The following COMMD1 variants were observed in gnomAD, a reference collection of about 807,000 sequenced individuals.
The protein encoded by COMMD1 is copper metabolism domain containing 1.
Under a neutral mutation model 17.2 loss-of-function variants are expected in COMMD1, and 10 were observed. That is an observed-to-expected ratio of 0.58 (90% CI 0.36 to 0.99). COMMD1 has a LOEUF of 0.99. Ranked by LOEUF, COMMD1 falls within the 50% of genes least tolerant of loss-of-function variation. COMMD1 has a pLI of 0.01. For missense variants in COMMD1, 270 were observed against 231.8 expected (o/e 1.17, Z -1.07); for synonymous variants, 97 against 91.6 (o/e 1.06, Z -0.34).
chr2:61,905,246 A>T (rs550649201), upstream of COMMD1, among the ~76,000 whole-genome samples: 2 of 152,172 alleles, frequency 1.3e-5, no homozygotes, highest in East Asian at 3.8e-4. Context: ...AAACTTCCTG[A>T]AAAAAAGGAT....
chr2:62,036,786 A>T lies in COMMD1; in HGVS notation c.462+35804A>T, dbSNP rs901737786. ...TATTCTGAATTTAAGATTTATTTTC[A>T]AAGATAAACTAAAATTTACTTTCTG... On this transcript the variant is annotated intron_variant, in intron 2 of 2. Coordinates refer to ENST00000311832, the MANE Select transcript of COMMD1 (RefSeq NM_152516.4). Among the ~76,000 whole-genome samples, 4 of 152,240 alleles carry T rather than the reference A, an allele frequency of 2.6e-5. No homozygotes were observed. The South Asian group carries it at 8.3e-4, about 32-fold the overall frequency.
chr2:61,901,008 G>A (rs577730709), upstream of COMMD1, among the ~76,000 whole-genome samples: 2 of 152,124 alleles, frequency 1.3e-5, no homozygotes, highest in South Asian at 2.1e-4. Context: ...GTGCAGTGGC[G>A]TGATCTCGGC....
chr2:61,980,097 C>T (rs1294183062), intron 1 of COMMD1, among the ~76,000 whole-genome samples: 1 of 10,306 alleles, frequency 9.7e-5, no homozygotes, highest in African/African-American at 4.6e-4. Context: ...TTTATGGCTG[C>T]ATAGTATTCC....
chr2:62,059,454 C>A (rs538688952), intron 2 of COMMD1, among the ~76,000 whole-genome samples: 1 of 152,250 alleles, frequency 6.6e-6, no homozygotes, highest in African/African-American at 2.4e-5. Context: ...CTATGCCTGT[C>A]CTGTTGTATC....
chr2:62,000,138 G>C (rs546205231), intron 1 of COMMD1, among the ~76,000 whole-genome samples: 1 of 152,064 alleles, frequency 6.6e-6, no homozygotes, highest in African/African-American at 2.4e-5. Flanking sequence ...TGGCCAGGTT[G>C]GTCTCAAATT....
At chr2:62,109,247 G>A (rs1156485265) in intron 2 of COMMD1, among the ~76,000 whole-genome samples, 1 of 152,198 alleles carries the variant, frequency 6.6e-6, no homozygotes, top group Non-Finnish European at 1.5e-5. Context: ...GGCTTGGTGA[G>A]GTTGAGGGCA....
At chr2:62,118,524 T>G (rs573284438) in intron 2 of COMMD1, among the ~76,000 whole-genome samples, 36 of 152,318 alleles carry the variant, frequency 2.4e-4, no homozygotes, top group African/African-American at 8.4e-4. Context: ...TTTCTCCTAA[T>G]CCCTCATCCC....
intron 2 of COMMD1, among the ~76,000 whole-genome samples, chr2:62,012,189 G>A (rs539765761): frequency 1.3e-4 from 20 of 151,660 alleles, no homozygotes; most frequent in East Asian, 1.9e-4. Flanking sequence ...CCCAGGAGGC[G>A]GAGGTTGCAG....
intron 2 of COMMD1, among the ~76,000 whole-genome samples, chr2:62,028,289 GT>G (rs1669822024): frequency 6.6e-6 from 1 of 152,126 alleles, no homozygotes; most frequent in South Asian, 2.1e-4. Flanking sequence ...AGGAAAGTGT[GT>G]TGTTTTCTGA....
chr2:62,126,140 A>G (rs1426290077), intron 2 of COMMD1, among the ~76,000 whole-genome samples: 3 of 152,198 alleles, frequency 2.0e-5, no homozygotes, highest in African/African-American at 7.2e-5. Flanking sequence ...CATGGTGTGT[A>G]TGTACCACAT....
chr2:62,028,447 GT>G (rs1402225569), intron 2 of COMMD1, among the ~76,000 whole-genome samples: 1 of 152,014 alleles, frequency 6.6e-6, no homozygotes, highest in Non-Finnish European at 1.5e-5. Flanking sequence ...TATGTCTTTT[GT>G]AATTCAAAAG....
intron 1 of COMMD1, among the ~76,000 whole-genome samples, chr2:61,944,795 T>C (rs1670864537): frequency 6.6e-6 from 1 of 152,154 alleles, no homozygotes; most frequent in African/African-American, 2.4e-5. Flanking sequence ...GCCTTTGTTC[T>C]GAGTTCTTTA....
chr2:61,947,203 T>C (rs1051125859), intron 1 of COMMD1, among the ~76,000 whole-genome samples: 2 of 152,322 alleles, frequency 1.3e-5, no homozygotes, highest in South Asian at 4.1e-4. Flanking sequence ...TAAAAGCATA[T>C]ATAATTTAAA....
intron 2 of COMMD1, among the ~76,000 whole-genome samples, chr2:62,021,199 T>G (rs1669605421): frequency 1.3e-5 from 2 of 152,242 alleles, no homozygotes; most frequent in African/African-American, 4.8e-5. Flanking sequence ...ATTTGAATTT[T>G]GCTGGGAAGC....
rs1037635664 is a variant in COMMD1, at chr2:62,134,057, C to G, written c.463-1774C>G. Among the ~76,000 whole-genome samples the G allele has an allele frequency of 4.6e-5, 7 of 152,186 alleles. No homozygotes were observed. The South Asian group carries it at 1.4e-3, about 32-fold the overall frequency. ...CTTCAAGTGATCCTCCTGCGTCAGC[C>G]TCCCAAAATGCTGGGGTTACAGGCA... On this transcript the variant is annotated intron_variant, in intron 2 of 2. Coordinates refer to ENST00000311832, the MANE Select transcript of COMMD1 (RefSeq NM_152516.4).
chr2:61,969,856 C>T (rs1042149970), intron 1 of COMMD1, among the ~76,000 whole-genome samples: 1 of 152,030 alleles, frequency 6.6e-6, no homozygotes, highest in African/African-American at 2.4e-5. Context: ...AATAACTATC[C>T]TTTATTCAAA....
intron 2 of COMMD1, among the ~76,000 whole-genome samples, chr2:62,042,442 T>C (rs1670245258): frequency 6.6e-6 from 1 of 152,186 alleles, no homozygotes; most frequent in African/African-American, 2.4e-5. Flanking sequence ...CGGGGGACTT[T>C]GTGGCACCTA....
intron 2 of COMMD1, among the ~76,000 whole-genome samples, chr2:62,126,699 T>G (rs1443998988): frequency 1.3e-5 from 2 of 152,188 alleles, no homozygotes; most frequent in African/African-American, 4.8e-5. Flanking sequence ...TCTCCAACTC[T>G]GTAGGTTGCC....
intron 2 of COMMD1, among the ~76,000 whole-genome samples, chr2:62,078,528 G>A (rs1671417955): frequency 1.4e-5 from 2 of 145,718 alleles, no homozygotes; most frequent in Admixed American, 1.4e-4. Flanking sequence ...ACTCTAGCCT[G>A]GGCTACAGAG....
Sources: allele counts gnomAD v4.1 joint callset (sites outside exome capture counted in the v4.1 genomes callset), GRCh38; gene constraint gnomAD v4.1.1; transcripts MANE v1.5; gene names NCBI Gene and HGNC (gene_info 2026-07-23, HGNC 2026-07-21).